The following STX11 variants were observed in gnomAD, a reference collection of about 807,000 sequenced individuals.
The protein encoded by STX11 is syntaxin 11, also known as syntaxin-11.
In STX11, 21 loss-of-function variants were observed where a neutral mutation model predicts 19.9. That is an observed-to-expected ratio of 1.06 (90% CI 0.75 to 1.52). The LOEUF (loss-of-function observed/expected upper bound fraction) is 1.52. Among genes scored for constraint, STX11 ranks in the 40% most tolerant of loss-of-function variants. The probability of loss-of-function intolerance (pLI) is 0.00; values close to 1 mark genes in which losing one functional copy is unlikely to be tolerated. For synonymous variants in STX11, 193 were observed against 174.4 expected, an observed-to-expected ratio of 1.11 and a Z score of -0.84; for missense variants, 438 against 405.9, an observed-to-expected ratio of 1.08 and a Z score of -0.68.
chr6:144,181,988 C>G (rs548257595), intron 1 of STX11, among the ~76,000 whole-genome samples: 1 of 152,296 alleles, frequency 6.6e-6, no homozygotes, highest in South Asian at 2.1e-4. Flanking sequence ...TTCTTCACCT[C>G]CATGCAAATT....
the STX11 span, among the ~76,000 whole-genome samples, chr6:144,145,450 T>G: frequency 1.3e-5 from 2 of 152,236 alleles, no homozygotes; most frequent in African/African-American, 2.4e-5. Context: ...GATTTTTGCA[T>G]GTCCCTGTTC....
At chr6:144,148,058 C>T (rs942637231), upstream of STX11, among the ~76,000 whole-genome samples, 1 of 152,190 alleles carries the variant, frequency 6.6e-6, no homozygotes, top group Non-Finnish European at 1.5e-5. Flanking sequence ...TAATCTTTGT[C>T]CTTTAATCTG....
rs1801680653 is a variant in STX11 at position 144,172,986 on chromosome 6, G to T, written c.-5-13637G>T. ...CCAGGTGCCCCTGATCCTGGGCTAG[G>T]CCATGTTCCTTGATTAGGACCCAGC... On this transcript the variant is annotated intron_variant, in intron 1 of 1. Coordinates refer to ENST00000367568, the MANE Select transcript of STX11 (RefSeq NM_003764.4). This position sits in a 1 kb window ranked among gnomAD's most constrained non-coding sequence, Gnocchi z 4.2. Among the ~76,000 whole-genome samples the T allele has an allele frequency of 6.6e-6, 1 of 152,118 alleles. No individual in the cohort carries two copies. Among genetic ancestry groups the T allele is most frequent in the African/African-American group, 2.4e-5 (1 of 41,422 alleles).
Position 144,156,014 on chromosome 6 carries a change from C to CCT in STX11, c.-6+5311_-6+5312insCT, listed in dbSNP as rs1562655594. Among the ~76,000 whole-genome samples, 142 of 114,892 alleles carry CCT rather than the reference C, an allele frequency of 1.2e-3. 8 individuals carry two copies. The highest frequency in any genetic ancestry group is 6.0e-3 in the African/African-American group (119 of 19,736). 75.4% of individuals were successfully genotyped at this position (114,892 alleles called of 152,430 possible). On this transcript the variant is annotated intron_variant, in intron 1 of 1. Transcript: ENST00000367568. ...TCTTTCTTTCTTTCTTTCTTTCTTT[C>CCT]TCTCTTTCTCTCCTTCCTTCCTTCC...
chr6:144,163,236 T>C (rs534126064), intron 1 of STX11, among the ~76,000 whole-genome samples: 7 of 152,340 alleles, frequency 4.6e-5, no homozygotes. Context: ...CTCATCAGTC[T>C]TACCTTCTGT....
chr6:144,150,663 G>A lies in STX11; in HGVS notation c.-46G>A, dbSNP rs1800979441. On this transcript the variant is annotated 5_prime_UTR_variant, in exon 1 of 2. Transcript: ENST00000367568. The stretch of plus-strand genomic sequence containing the variant: ...CCCACAGGGGACGCGCGCCCTGCCG[G>A]GAGAGGGGCTTCTCGGTTCGCACTC... 1 of 985,298 alleles carries A rather than the reference G, an allele frequency of 1.0e-6. No homozygotes were observed. The allele number at this position is 985,298 out of a possible 1,614,324, so 61.0% of individuals were successfully genotyped here.
intron 1 of STX11, among the ~76,000 whole-genome samples, chr6:144,158,311 G>A (rs571130197): frequency 6.6e-6 from 1 of 152,342 alleles, no homozygotes; most frequent in African/African-American, 2.4e-5. Flanking sequence ...GTGGCCAACA[G>A]ACAGCACAGC....
At chr6:144,179,841 C>T (rs1801863630) in intron 1 of STX11, among the ~76,000 whole-genome samples, 1 of 152,172 alleles carries the variant, frequency 6.6e-6, no homozygotes, top group Non-Finnish European at 1.5e-5. Context: ...CATATGTTTA[C>T]AATTGGTATA....
At position 144,175,729 on chromosome 6, in the gene STX11, G is replaced by C. The variant is rs896506554; in HGVS notation, c.-5-10894G>C. ...GGCTTTTTCTGCTCTCACCTTCTTT[G>C]ATTTTACTTAACATGGTGGTTGGGT... On this transcript the variant is annotated intron_variant, in intron 1 of 1. Transcript: ENST00000367568. This position sits in a 1 kb window ranked among gnomAD's most constrained non-coding sequence, Gnocchi z 5.1. Among the ~76,000 whole-genome samples, 5 of 152,206 alleles carry C rather than the reference G, an allele frequency of 3.3e-5. No individual in the cohort carries two copies. The highest frequency in any genetic ancestry group is 1.2e-4 in the African/African-American group (5 of 41,436).
chr6:144,183,913 C>T lies in STX11; in HGVS notation c.-5-2710C>T, dbSNP rs1165403524. ...CACTTCCCCGACAGGCCCCACTGTG[C>T]ATTATTCCCCTCCCTGTGTCCAGGT... is the stretch of plus-strand genomic sequence containing the variant. On this transcript the variant is annotated intron_variant, in intron 1 of 1. Transcript: ENST00000367568. This position sits in a 1 kb window ranked among gnomAD's most constrained non-coding sequence, Gnocchi z 4.6. Among the ~76,000 whole-genome samples, 1 of 152,052 alleles carries T rather than the reference C, an allele frequency of 6.6e-6. No homozygotes were observed. Among genetic ancestry groups the T allele is most frequent in the Admixed American group, 6.6e-5 (1 of 15,260 alleles).
rs557622244 is a variant in STX11 at position 144,182,216 on chromosome 6, T to C, written c.-5-4407T>C. 6.6e-6 allele frequency among the ~76,000 whole-genome samples: 1 copy of C among 152,270 alleles called. No homozygotes were observed. The highest frequency in any genetic ancestry group is 1.5e-5 in the Non-Finnish European group (1 of 68,042). On this transcript the variant is annotated intron_variant, in intron 1 of 1. Transcript: ENST00000367568. This position sits in a 1 kb window ranked among gnomAD's most constrained non-coding sequence, Gnocchi z 4.8. The stretch of plus-strand genomic sequence containing the variant: ...TTGTGCCCACTTCTATATTTTTGTA[T>C]AACTTCAGTAGTGTATACACTTTTA...
intron 1 of STX11, among the ~76,000 whole-genome samples, chr6:144,161,572 T>A (rs1801342912): frequency 6.6e-6 from 1 of 152,170 alleles, no homozygotes; most frequent in African/African-American, 2.4e-5. Context: ...TTCACCATGT[T>A]GATCAGGCTG....
chr6:144,158,984 C>A (rs139044596), intron 1 of STX11, among the ~76,000 whole-genome samples: 192 of 152,306 alleles, frequency 1.3e-3, no homozygotes, highest in African/African-American at 4.3e-3. Flanking sequence ...CACCACCTTC[C>A]CTGCCCTGTG....
chr6:144,185,009 G>C (rs1254862807), intron 1 of STX11, among the ~76,000 whole-genome samples: 1 of 152,124 alleles, frequency 6.6e-6, no homozygotes, highest in Non-Finnish European at 1.5e-5. Flanking sequence ...GTCCAGGGTG[G>C]ATCTTTTTTC....
chr6:144,142,318 A>G, the STX11 span, among the ~76,000 whole-genome samples: 11 of 152,154 alleles, frequency 7.2e-5, no homozygotes, highest in Non-Finnish European at 1.5e-4. Context: ...TTGTACATTT[A>G]AAACAAGCTT....
upstream of STX11, among the ~76,000 whole-genome samples, chr6:144,148,798 C>T (rs35681372): frequency 5.9e-3 from 897 of 152,280 alleles, 42 homozygotes; most frequent in East Asian, 0.11. Flanking sequence ...CTGGCTATGT[C>T]GGCCAGATCA....
At chr6:144,185,311 T>A (rs574442939) in intron 1 of STX11, among the ~76,000 whole-genome samples, 11 of 152,220 alleles carry the variant, frequency 7.2e-5, no homozygotes, top group Non-Finnish European at 1.5e-4. Flanking sequence ...AAGCTTTTAA[T>A]TTGAGACCAA....
chr6:144,153,579 T>C lies in STX11; in HGVS notation c.-6+2876T>C, dbSNP rs1162013356. Among the ~76,000 whole-genome samples the C allele has an allele frequency of 6.6e-6, 1 of 152,188 alleles. No homozygotes were observed. Among genetic ancestry groups the C allele is most frequent in the Non-Finnish European group, 1.5e-5 (1 of 68,030 alleles). On this transcript the variant is annotated intron_variant, in intron 1 of 1. Coordinates refer to ENST00000367568, the MANE Select transcript of STX11 (RefSeq NM_003764.4). This position sits in a 1 kb window ranked among gnomAD's most constrained non-coding sequence, Gnocchi z 5.0. ...GAAGCCTTTGAACAAGTGAATGATATTGTCAGGTATGTGTTTAAAAAATAA... is the reference window on the plus strand; with the variant it reads ...GAAGCCTTTGAACAAGTGAATGATACTGTCAGGTATGTGTTTAAAAAATAA...
chr6:144,158,621 G>C (rs1410420886), intron 1 of STX11, among the ~76,000 whole-genome samples: 2 of 151,726 alleles, frequency 1.3e-5, no homozygotes, highest in Non-Finnish European at 2.9e-5. Context: ...ATGTAGGATG[G>C]ATTTCTAGGA....
Sources: gnomAD v4.1 joint callset for allele counts (sites outside exome capture counted in the v4.1 genomes callset) on GRCh38, gnomAD v4.1.1 for gene constraint, Gnocchi (gnomAD v3.1) non-coding constraint, MANE v1.5 for transcripts, NCBI Gene and HGNC (gene_info 2026-07-23, HGNC 2026-07-21) for gene names.